Variants in TMEM132C observed in about 807,000 individuals in gnomAD.
TMEM132C encodes the protein transmembrane protein 132C.
A neutral mutation model predicts 61.4 loss-of-function variants in TMEM132C; 29 were observed. That is an observed-to-expected ratio of 0.47 (90% CI 0.35 to 0.64). TMEM132C has a LOEUF of 0.64. Among genes scored for constraint, TMEM132C ranks in the 30% least tolerant of loss-of-function variants. The pLI, the probability that TMEM132C is intolerant of heterozygous loss-of-function variation, is 0.00. For synonymous variants in TMEM132C, 656 were observed against 633.1 expected, an observed-to-expected ratio of 1.04 and a Z score of -0.54; for missense variants, 1,408 against 1,476.9, an observed-to-expected ratio of 0.95 and a Z score of 0.76.
chr12:128,622,460 G>A (rs1044450507), intron 4 of TMEM132C, among the ~76,000 whole-genome samples: 2 of 146,148 alleles, frequency 1.4e-5, no homozygotes, highest in Non-Finnish European at 3.0e-5. Context: ...AAATGGAAGG[G>A]AGCCGTTAAG....
chr12:128,664,211 CAT>C (rs916100835), intron 4 of TMEM132C, among the ~76,000 whole-genome samples: 20 of 91,058 alleles, frequency 2.2e-4, no homozygotes, highest in East Asian at 2.0e-3. Context: ...GGCACACACA[CAT>C]GCCTGTGTGT....
At chr12:128,482,459 G>C (rs1284447585) in intron 2 of TMEM132C, among the ~76,000 whole-genome samples, 1 of 152,156 alleles carries the variant, frequency 6.6e-6, no homozygotes. Context: ...GTCTCTGTCA[G>C]GTTTGGGTAT....
intron 1 of TMEM132C, among the ~76,000 whole-genome samples, chr12:128,279,242 T>C (rs1031356233): frequency 6.6e-6 from 1 of 152,146 alleles, no homozygotes; most frequent in African/African-American, 2.4e-5. Flanking sequence ...ACTGGCCACA[T>C]AAAAGGAATA....
chr12:128,447,373 A>G (rs961167244), intron 2 of TMEM132C, among the ~76,000 whole-genome samples: 1 of 152,176 alleles, frequency 6.6e-6, no homozygotes, highest in Non-Finnish European at 1.5e-5. Flanking sequence ...AATTCCCTGA[A>G]AATAATTTGG....
intron 1 of TMEM132C, among the ~76,000 whole-genome samples, chr12:128,370,177 C>T (rs943367061): frequency 6.6e-6 from 1 of 152,154 alleles, no homozygotes; most frequent in African/African-American, 2.4e-5. Context: ...AGCAAGCCCC[C>T]TGCCAGTCTT....
intron 1 of TMEM132C, among the ~76,000 whole-genome samples, chr12:128,309,866 G>T (rs1185779964): frequency 6.6e-6 from 1 of 152,030 alleles, no homozygotes; most frequent in African/African-American, 2.4e-5. Flanking sequence ...CTCCTGAGTA[G>T]CTGGGATTAC....
chr12:128,368,961 A>G (rs1873951787), intron 1 of TMEM132C, among the ~76,000 whole-genome samples: 1 of 152,190 alleles, frequency 6.6e-6, no homozygotes. Flanking sequence ...AAAATACTCC[A>G]GGGATGTGCT....
intron 1 of TMEM132C, among the ~76,000 whole-genome samples, chr12:128,292,887 C>G (rs1871289856): frequency 6.6e-6 from 1 of 152,022 alleles, no homozygotes; most frequent in African/African-American, 2.4e-5. Flanking sequence ...CATAGAAATT[C>G]TATTCCTAAT....
Position 128,491,858 on chromosome 12 carries a change from T to C in TMEM132C, c.975-52099T>C, listed in dbSNP as rs889273884. Among the ~76,000 whole-genome samples, 262 of 152,202 alleles carry C rather than the reference T, an allele frequency of 1.7e-3. 1 individual carries two copies. The highest frequency in any genetic ancestry group is 5.9e-3 in the African/African-American group (244 of 41,514). ...CTTTTTGGCTGTATCAGTTCTTTTT[T>C]TTTTTTTTATACTTTAAGTTTTAGG... On this transcript the variant is annotated intron_variant, in intron 2 of 8. Transcript: ENST00000435159.
At chr12:128,390,497 C>T (rs1382965021) in intron 1 of TMEM132C, among the ~76,000 whole-genome samples, 1 of 152,174 alleles carries the variant, frequency 6.6e-6, no homozygotes, top group East Asian at 1.9e-4. Flanking sequence ...CCTCTAAGAA[C>T]CCCAGGTTAC....
At chr12:128,505,196 T>C (rs1872317181) in intron 2 of TMEM132C, among the ~76,000 whole-genome samples, 1 of 152,066 alleles carries the variant, frequency 6.6e-6, no homozygotes, top group African/African-American at 2.4e-5. Flanking sequence ...AAGGACCTGA[T>C]GGAAATGCAG....
intron 2 of TMEM132C, among the ~76,000 whole-genome samples, chr12:128,529,242 A>G (rs907367622): frequency 2.6e-5 from 4 of 150,958 alleles, no homozygotes; most frequent in African/African-American, 7.5e-5. Flanking sequence ...TGATGCAGTA[A>G]CAAACACAGA....
At chr12:128,513,154 A>T (rs1286554620) in intron 2 of TMEM132C, among the ~76,000 whole-genome samples, 7 of 152,054 alleles carry the variant, frequency 4.6e-5, no homozygotes, top group Admixed American at 4.6e-4. Context: ...TGGGGAGGGG[A>T]CATGATACAG....
chr12:128,690,771 A>G lies in TMEM132C; in HGVS notation c.1450-3058A>G, dbSNP rs546715547. Among the ~76,000 whole-genome samples, 59 of 152,274 alleles carry G rather than the reference A, an allele frequency of 3.9e-4. No homozygotes were observed. The South Asian group carries it at 8.1e-3, about 21-fold the overall frequency. The stretch of plus-strand genomic sequence containing the variant: ...CTCTTGACCATGAATGAGAAGATCC[A>G]TCCATGTGTTCCCATCCCAACTGCT... On this transcript the variant is annotated intron_variant, in intron 5 of 8. Transcript: ENST00000435159.
chr12:128,485,617 G>T (rs1052855547), intron 2 of TMEM132C, among the ~76,000 whole-genome samples: 1 of 151,960 alleles, frequency 6.6e-6, no homozygotes, highest in Admixed American at 6.6e-5. Flanking sequence ...AGTAGGTGGA[G>T]GCCAGGATAC....
At chr12:128,341,324 C>T (rs1164579273) in intron 1 of TMEM132C, among the ~76,000 whole-genome samples, 1 of 152,120 alleles carries the variant, frequency 6.6e-6, no homozygotes, top group Non-Finnish European at 1.5e-5. Flanking sequence ...GTTATTTTTA[C>T]CAATTGTTGG....
rs553971882 is a variant in TMEM132C, at chr12:128,570,980, G to C, written c.1121+26877G>C. Among the ~76,000 whole-genome samples the C allele has an allele frequency of 6.6e-6, 1 of 152,210 alleles. No homozygotes were observed. The highest frequency in any genetic ancestry group is 2.4e-5 in the African/African-American group (1 of 41,456). ...AGATCAGGGCTTTGTTAGCAAGAAA[G>C]AAGAAAAGGATGGATGTCAGGGAAG... On this transcript the variant is annotated intron_variant, in intron 3 of 8. Transcript: ENST00000435159. This position sits in a 1 kb window ranked among gnomAD's most constrained non-coding sequence, Gnocchi z 4.7.
At chr12:128,484,236 C>T (rs891340855) in intron 2 of TMEM132C, among the ~76,000 whole-genome samples, 3 of 152,186 alleles carry the variant, frequency 2.0e-5, no homozygotes, top group Admixed American at 6.5e-5. Flanking sequence ...AAGTTGCTTT[C>T]ATCTTGAAAA....
chr12:128,602,566 G>A (rs1027581795), intron 3 of TMEM132C, among the ~76,000 whole-genome samples: 5 of 152,184 alleles, frequency 3.3e-5, no homozygotes, highest in African/African-American at 1.2e-4. Flanking sequence ...CGATTCCATC[G>A]TTTAGCCCTG....
Sources: allele counts gnomAD v4.1 joint callset (sites outside exome capture counted in the v4.1 genomes callset), GRCh38; gene constraint gnomAD v4.1.1; non-coding constraint Gnocchi (gnomAD v3.1); transcripts MANE v1.5; gene names NCBI Gene and HGNC (gene_info 2026-07-23, HGNC 2026-07-21).